The following CATSPERT variants were observed in gnomAD, a reference collection of about 807,000 sequenced individuals.
CATSPERT encodes the protein cation channel sperm-associated targeting subunit tau.
the CATSPERT span, among the ~76,000 whole-genome samples, chr2:201,515,678 T>G: frequency 6.6e-6 from 1 of 152,222 alleles, no homozygotes; most frequent in Non-Finnish European, 1.5e-5. Context: ...TATAGTCATG[T>G]GCCATATAAA....
the CATSPERT span, among the ~76,000 whole-genome samples, chr2:201,590,645 T>C: frequency 3.2e-4 from 48 of 152,210 alleles, no homozygotes; most frequent in African/African-American, 8.7e-4. Flanking sequence ...TCTCCAGCAC[T>C]TGTTGTTTCC....
the CATSPERT span, among the ~76,000 whole-genome samples, chr2:201,506,598 G>T: frequency 6.6e-6 from 1 of 152,110 alleles, no homozygotes; most frequent in African/African-American, 2.4e-5. Context: ...CTGTCATCCA[G>T]ACTGGAGTGC....
the CATSPERT span, among the ~76,000 whole-genome samples, chr2:201,510,741 A>G: frequency 9.2e-5 from 14 of 152,242 alleles, no homozygotes; most frequent in Admixed American, 8.5e-4. Flanking sequence ...ATAGTTAAAC[A>G]TAAAAACCAT....
chr2:201,509,408 T>C, the CATSPERT span, among the ~76,000 whole-genome samples: 2 of 150,942 alleles, frequency 1.3e-5, no homozygotes, highest in Non-Finnish European at 2.9e-5. Context: ...TTTGCAAATG[T>C]TCGCTACCAT....
chr2:201,606,410 T>A, the CATSPERT span, among the ~76,000 whole-genome samples: 1 of 152,078 alleles, frequency 6.6e-6, no homozygotes, highest in African/African-American at 2.4e-5. Flanking sequence ...GCAAGGAAGG[T>A]CAAGCCAAGG....
chr2:201,552,313 G>A, the CATSPERT span, among the ~76,000 whole-genome samples: 1 of 152,122 alleles, frequency 6.6e-6, no homozygotes, highest in Non-Finnish European at 1.5e-5. Flanking sequence ...TGTAAACCTT[G>A]AATAACACCA....
At chr2:201,529,999 A>G in the CATSPERT span, among the ~76,000 whole-genome samples, 1 of 152,204 alleles carries the variant, frequency 6.6e-6, no homozygotes, top group Admixed American at 6.5e-5. Flanking sequence ...TAGATATACT[A>G]AAAATACTCA....
the CATSPERT span, among the ~76,000 whole-genome samples, chr2:201,599,292 G>A: frequency 1.3e-5 from 2 of 151,642 alleles, no homozygotes; most frequent in Non-Finnish European, 2.9e-5. Flanking sequence ...CTGCCTTTTC[G>A]ACCTCTAAAT....
At chr2:201,595,439 C>A in the CATSPERT span, among the ~76,000 whole-genome samples, 1 of 152,080 alleles carries the variant, frequency 6.6e-6, no homozygotes, top group Non-Finnish European at 1.5e-5. Flanking sequence ...CCGCCCGCCT[C>A]GGCCTCCCAA....
At chr2:201,508,815 CT>C in the CATSPERT span, among the ~76,000 whole-genome samples, 97 of 147,198 alleles carry the variant, frequency 6.6e-4, no homozygotes, top group African/African-American at 1.2e-3. Flanking sequence ...GACGAGATTT[CT>C]TTTTTTTTTT....
the CATSPERT span, among the ~76,000 whole-genome samples, chr2:201,523,618 C>T: frequency 6.7e-6 from 1 of 148,952 alleles, no homozygotes. Flanking sequence ...ACTGCACTAG[C>T]TCCCCAGCAA....
chr2:201,546,611 A>G, the CATSPERT span, among the ~76,000 whole-genome samples: 1 of 152,166 alleles, frequency 6.6e-6, no homozygotes, highest in African/African-American at 2.4e-5. Context: ...TAGGATGGGT[A>G]TAATAATAAT....
At chr2:201,597,129 G>A in the CATSPERT span, among the ~76,000 whole-genome samples, 6 of 152,142 alleles carry the variant, frequency 3.9e-5, no homozygotes, top group East Asian at 1.9e-4. Flanking sequence ...TAGAGGCTTC[G>A]TTAGAGGATG....
the CATSPERT span, among the ~76,000 whole-genome samples, chr2:201,541,531 TTATATATATA>T: frequency 0.045 from 4,166 of 92,486 alleles, 158 homozygotes; most frequent in Middle Eastern, 0.09. Context: ...TCAGATGATT[TTATATATATA>T]TATATATATA....
chr2:201,550,595 C>CTAAA, the CATSPERT span: 4 of 151,610 alleles, frequency 2.6e-5, no homozygotes, highest in South Asian at 6.2e-4. Flanking sequence ...CATTTCACTC[C>CTAAA]CATTCTATTC....
At chr2:201,592,589 C>A in the CATSPERT span, among the ~76,000 whole-genome samples, 1 of 150,704 alleles carries the variant, frequency 6.6e-6, no homozygotes, top group Admixed American at 6.6e-5. Context: ...TGGTAGAATT[C>A]GGCTGTGAAT....
At chr2:201,552,555 T>G in the CATSPERT span, among the ~76,000 whole-genome samples, 1 of 152,190 alleles carries the variant, frequency 6.6e-6, no homozygotes, top group African/African-American at 2.4e-5. Context: ...AACTTTGCAC[T>G]TTTTGTAAAA....
At chr2:201,540,716 T>C in the CATSPERT span, among the ~76,000 whole-genome samples, 1 of 152,228 alleles carries the variant, frequency 6.6e-6, no homozygotes, top group Non-Finnish European at 1.5e-5. Flanking sequence ...GACATTAATG[T>C]TGCTTTCATG....
chr2:201,557,800 C>T, the CATSPERT span: 3 of 152,330 alleles, frequency 2.0e-5, no homozygotes, highest in East Asian at 5.8e-4. Flanking sequence ...CCAACTAGGT[C>T]ACTATTGGTA....
Sources: gnomAD v4.1 joint callset for allele counts (sites outside exome capture counted in the v4.1 genomes callset) on GRCh38, gnomAD v4.1.1 for gene constraint, MANE v1.5 for transcripts, NCBI Gene and HGNC (gene_info 2026-07-23, HGNC 2026-07-21) for gene names.